Variants in SLC4A4 observed in about 807,000 individuals in gnomAD.
SLC4A4 encodes electrogenic sodium bicarbonate cotransporter 1.
A neutral mutation model predicts 111.5 loss-of-function variants in SLC4A4; 27 were observed. The ratio of observed to expected loss-of-function variants is 0.24; its 90% confidence interval spans 0.18 to 0.33. SLC4A4 has a LOEUF of 0.33. SLC4A4 is among the 10% of genes least tolerant of loss of function. SLC4A4 has a pLI of 1.00. For synonymous variants in SLC4A4, 443 were observed against 463.4 expected (o/e 0.96, Z 0.57); for missense variants, 909 against 1,315.5 (o/e 0.69, Z 4.78).
At chr4:71,479,955 A>C (rs1007177059) in intron 14 of SLC4A4, among the ~76,000 whole-genome samples, 1 of 151,552 alleles carries the variant, frequency 6.6e-6, no homozygotes, top group Non-Finnish European at 1.5e-5. Context: ...ACACATCTCC[A>C]AGATGTAATG....
intron 2 of SLC4A4, among the ~76,000 whole-genome samples, chr4:71,170,229 T>C (rs1744899049): frequency 6.6e-6 from 1 of 152,234 alleles, no homozygotes; most frequent in Non-Finnish European, 1.5e-5. Flanking sequence ...GTTTACTGCC[T>C]CTCTTATCAA....
chr4:71,266,187 G>C (rs1471041276), intron 3 of SLC4A4, among the ~76,000 whole-genome samples: 1 of 152,166 alleles, frequency 6.6e-6, no homozygotes, highest in Non-Finnish European at 1.5e-5. Context: ...TTTTTTGGAA[G>C]ACAGCTGGGT....
At chr4:71,508,565 G>A (rs1180153041) in intron 16 of SLC4A4, among the ~76,000 whole-genome samples, 2 of 152,132 alleles carry the variant, frequency 1.3e-5, no homozygotes, top group Non-Finnish European at 2.9e-5. Flanking sequence ...CCAGGAGAAA[G>A]TTGAATCCCT....
chr4:71,397,967 A>G (rs2148979362), intron 7 of SLC4A4, among the ~76,000 whole-genome samples: 1 of 152,336 alleles, frequency 6.6e-6, no homozygotes, highest in East Asian at 1.9e-4. Flanking sequence ...GAGATAACTT[A>G]TGAAAAAAAT....
At chr4:71,278,363 G>T (rs142453159) in intron 3 of SLC4A4, among the ~76,000 whole-genome samples, 2 of 152,176 alleles carry the variant, frequency 1.3e-5, no homozygotes, top group Non-Finnish European at 2.9e-5. Context: ...TGGTCATTTC[G>T]TGTCTTAGAT....
rs201657266 is a variant in SLC4A4, at chr4:71,497,735, G to A, written c.2166+43G>A. ...AAATGATTTTCATTGGATTTACACT[G>A]TATCAACAATAATACAACTTTACAA... On this transcript the variant is annotated intron_variant, in intron 16 of 25. Transcript: ENST00000264485. 7 of 1,489,980 alleles carry A rather than the reference G, an allele frequency of 4.7e-6. No individual in the cohort carries two copies. In the South Asian group the frequency reaches 6.8e-5, roughly 14 times the overall value. The allele number at this position is 1,489,980 out of a possible 1,614,324, so 92.3% of individuals were successfully genotyped here. A position where few individuals can be genotyped will look rare whatever the true frequency, so the allele number is the denominator to read the frequency against.
At chr4:71,339,332 C>T (rs1368643877) in intron 3 of SLC4A4, 38 bp from the exon 4 acceptor site, 1 of 1,614,152 alleles carries the variant, frequency 6.2e-7, no homozygotes, top group Non-Finnish European at 8.5e-7. Context: ...TCAGGGTTGT[C>T]CAGCCAATGT....
At chr4:71,132,787 A>G (rs1743741387) in intron 2 of SLC4A4, among the ~76,000 whole-genome samples, 1 of 152,250 alleles carries the variant, frequency 6.6e-6, no homozygotes, top group African/African-American at 2.4e-5. Context: ...ACTATTGGCC[A>G]CAGCTAGTGT....
intron 2 of SLC4A4, among the ~76,000 whole-genome samples, chr4:71,143,450 T>C (rs1197990388): frequency 3.9e-5 from 6 of 152,162 alleles, no homozygotes; most frequent in South Asian, 2.1e-4. Flanking sequence ...TTATAATCCT[T>C]TGGGTATATA....
chr4:71,360,752 A>G (rs933901848), intron 6 of SLC4A4, among the ~76,000 whole-genome samples: 3 of 152,168 alleles, frequency 2.0e-5, no homozygotes, highest in Non-Finnish European at 4.4e-5. Context: ...TCAACTAACT[A>G]TATGCAATTT....
intron 2 of SLC4A4, among the ~76,000 whole-genome samples, chr4:71,177,924 T>G (rs1428683886): frequency 6.6e-6 from 1 of 152,172 alleles, no homozygotes; most frequent in African/African-American, 2.4e-5. Context: ...ACCACATAGT[T>G]GGAAGTAAAG....
intron 4 of SLC4A4, among the ~76,000 whole-genome samples, chr4:71,349,321 G>A (rs75212347): frequency 0.013 from 1,996 of 152,172 alleles, 47 homozygotes; most frequent in African/African-American, 0.046. Flanking sequence ...ACAATAAGAG[G>A]GGAATATGCA....
chr4:71,167,474 G>A (rs1316276398), intron 2 of SLC4A4, among the ~76,000 whole-genome samples: 6 of 152,162 alleles, frequency 3.9e-5, no homozygotes, highest in African/African-American at 1.4e-4. Context: ...GGGGAGTGGC[G>A]AGGTCACATC....
In SLC4A4 at chr4:71,347,720, G is replaced by A. The variant is rs140378907; in HGVS notation, c.390-2192G>A. Among the ~76,000 whole-genome samples, 13 of 152,146 alleles carry A rather than the reference G, an allele frequency of 8.5e-5. 1 individual carries two copies. Among genetic ancestry groups the A allele is most frequent in the Admixed American group, 5.2e-4 (8 of 15,262 alleles). On this transcript the variant is annotated intron_variant, in intron 4 of 25. Transcript: ENST00000264485. ...AGTTTTTTTTTAAGTAATAGAATTGGCAGTACAGGCTGTTGGCAGCTGATA... is the reference window on the plus strand; with the variant it reads ...AGTTTTTTTTTAAGTAATAGAATTGACAGTACAGGCTGTTGGCAGCTGATA...
chr4:71,441,787 TA>T (rs981330650), intron 8 of SLC4A4, among the ~76,000 whole-genome samples: 8 of 152,258 alleles, frequency 5.3e-5, no homozygotes, highest in South Asian at 4.1e-4. Flanking sequence ...AGGTATTTTT[TA>T]AACCCATTTT....
At chr4:71,477,334 G>T (rs1373486614) in intron 14 of SLC4A4, among the ~76,000 whole-genome samples, 1 of 151,656 alleles carries the variant, frequency 6.6e-6, no homozygotes, top group Non-Finnish European at 1.5e-5. Flanking sequence ...TACAAAAGAT[G>T]CCCCAGTGAG....
At chr4:71,440,864 T>A (rs1210175779) in intron 8 of SLC4A4, 91 bp downstream of exon 8, 1 of 1,424,836 alleles carries the variant, frequency 7.0e-7, no homozygotes, top group Admixed American at 1.7e-5. Flanking sequence ...GAGGAAATAT[T>A]TAGTGCAAAC....
At chr4:71,193,364 TTA>T (rs1272012822) in intron 1 of SLC4A4, among the ~76,000 whole-genome samples, 16 of 152,324 alleles carry the variant, frequency 1.1e-4, no homozygotes, top group African/African-American at 3.6e-4. Context: ...TTTCACCGTG[TTA>T]GCCAGGATGG....
intron 7 of SLC4A4, among the ~76,000 whole-genome samples, chr4:71,434,051 G>GT (rs1172272717): frequency 7.2e-5 from 11 of 151,982 alleles, no homozygotes; most frequent in Admixed American, 7.2e-4. Flanking sequence ...ACTATATCAT[G>GT]TGTATGCCCA....
Sources: gnomAD v4.1 joint callset for allele counts (sites outside exome capture counted in the v4.1 genomes callset) on GRCh38, gnomAD v4.1.1 for gene constraint, MANE v1.5 for transcripts, NCBI Gene and HGNC (gene_info 2026-07-23, HGNC 2026-07-21) for gene names.